Variants in IFT140 observed in about 807,000 individuals in gnomAD.
IFT140 encodes the protein intraflagellar transport protein 140 homolog.
Under a neutral mutation model 164.6 loss-of-function variants are expected in IFT140, and 133 were observed. The observed-to-expected ratio is 0.81, with a 90% CI of 0.70 to 0.93. The LOEUF (loss-of-function observed/expected upper bound fraction) is 0.93. IFT140 is among the 40% of genes least tolerant of loss of function. IFT140 has a pLI of 0.00. For synonymous variants in IFT140, 860 were observed against 817.3 expected, an observed-to-expected ratio of 1.05 and a Z score of -0.89; for missense variants, 2,045 against 1,972.3, an observed-to-expected ratio of 1.04 and a Z score of -0.70.
chr16:1,597,211 G>T (rs1427718110), intron 4 of IFT140, among the ~76,000 whole-genome samples: 1 of 152,204 alleles, frequency 6.6e-6, no homozygotes, highest in Non-Finnish European at 1.5e-5. Flanking sequence ...TTCCCCAGAA[G>T]GCGTGAGTGG....
At chr16:1,538,886 G>A (rs2031337038) in intron 19 of IFT140, among the ~76,000 whole-genome samples, 2 of 152,198 alleles carry the variant, frequency 1.3e-5, no homozygotes, top group Admixed American at 6.5e-5. Context: ...GTCAGCCAGG[G>A]CAGTGTCTGC....
chr16:1,566,143 C>T lies in IFT140; in HGVS notation c.1901+18G>A. ...ACATCATTTTTTCCAACAAAATCCTCCTGAACCACAATCTTACTTATTAGT... is the reference window on the plus strand; with the variant it reads ...ACATCATTTTTTCCAACAAAATCCTTCTGAACCACAATCTTACTTATTAGT... On this transcript the variant is annotated intron_variant, in intron 16 of 30. Coordinates refer to ENST00000426508, the MANE Select transcript of IFT140 (RefSeq NM_014714.4). 1 of 1,609,864 alleles carries T rather than the reference C, an allele frequency of 6.2e-7. No homozygotes were observed. Among genetic ancestry groups the T allele is most frequent in the East Asian group, 2.2e-5 (1 of 44,784 alleles).
intron 13 of IFT140, chr16:1,577,406 T>C (rs2034331853): frequency 6.6e-6 from 1 of 152,164 alleles, no homozygotes; most frequent in Admixed American, 6.6e-5. Context: ...ATATGAAATA[T>C]GTGTTAATCG....
intron 30 of IFT140, among the ~76,000 whole-genome samples, chr16:1,515,588 G>C (rs1479233318): frequency 1.3e-5 from 2 of 151,938 alleles, no homozygotes; most frequent in South Asian, 2.1e-4. Context: ...TTCAGAGATG[G>C]GGTCTCACTT....
chr16:1,590,857 C>T (rs1249806870), intron 6 of IFT140, among the ~76,000 whole-genome samples: 1 of 152,146 alleles, frequency 6.6e-6, no homozygotes, highest in African/African-American at 2.4e-5. Flanking sequence ...CCTCAGCCTC[C>T]TGGGTTCAAG....
chr16:1,548,763 G>C (rs527953697), intron 19 of IFT140, among the ~76,000 whole-genome samples: 2 of 152,330 alleles, frequency 1.3e-5, no homozygotes, highest in Admixed American at 6.5e-5. Context: ...GCTTCAGAAC[G>C]GCATCCACAG....
intron 14 of IFT140, among the ~76,000 whole-genome samples, chr16:1,569,566 C>T (rs71385706): frequency 6.7e-6 from 1 of 149,014 alleles, no homozygotes; most frequent in Non-Finnish European, 1.5e-5. Context: ...CCCCTCCTCT[C>T]CCTCCCCTCC....
intron 4 of IFT140, among the ~76,000 whole-genome samples, chr16:1,595,355 C>T (rs1444278131): frequency 1.3e-5 from 2 of 152,016 alleles, no homozygotes; most frequent in African/African-American, 2.4e-5. Flanking sequence ...TGGTGGCTCA[C>T]GCCTCTCATC....
intron 20 of IFT140, 144 bp from the exon 21 acceptor site, chr16:1,526,221 C>A (rs571460450): frequency 2.6e-6 from 2 of 766,284 alleles, no homozygotes; most frequent in South Asian, 3.5e-5. Context: ...GCACAGCAAA[C>A]GCCACACACC....
intron 19 of IFT140, chr16:1,541,806 C>A: frequency 1.6e-6 from 2 of 1,281,328 alleles, no homozygotes; most frequent in Non-Finnish European, 2.1e-6. Flanking sequence ...GGAGGCACAG[C>A]CTGTGCCGAC....
At chr16:1,547,387 CA>C (rs2032262784) in intron 19 of IFT140, among the ~76,000 whole-genome samples, 5 of 152,224 alleles carry the variant, frequency 3.3e-5, no homozygotes, top group Admixed American at 3.3e-4. Context: ...CTGACTTTAT[CA>C]GTCCTTAAAT....
At chr16:1,570,592 T>C (rs1289895554) in intron 14 of IFT140, among the ~76,000 whole-genome samples, 1 of 152,200 alleles carries the variant, frequency 6.6e-6, no homozygotes, top group Non-Finnish European at 1.5e-5. Flanking sequence ...CGAGCTCCTG[T>C]GCAGTTCCTT....
Position 1,520,644 on chromosome 16 carries a change from G to A in IFT140, c.3618C>T (p.His1206=), listed in dbSNP as rs372009015. Reference sequence around the variant, plus strand: ...CCTGCGTGTACTTCTTGGTGGCCAGGTGGTAGCTGCCCTGGCGCATGCAGC... The same window carrying A: ...CCTGCGTGTACTTCTTGGTGGCCAGATGGTAGCTGCCCTGGCGCATGCAGC... The part of the protein sequence containing the change: ...ADCCMRQGSY[H]LATKKYTQAG... The change falls in exon 27 of 31, where the codon CAC becomes CAT. Residue 1206 remains histidine (H), a synonymous_variant. Transcript: ENST00000426508. 2 of 1,600,704 alleles carry A rather than the reference G, an allele frequency of 1.2e-6. No individual in the cohort carries two copies. Among genetic ancestry groups the A allele is most frequent in the African/African-American group, 1.3e-5 (1 of 74,648 alleles).
chr16:1,564,062 C>T lies in IFT140; in HGVS notation c.2002G>A (p.Glu668Lys). The T allele has an allele frequency of 6.2e-7, 1 of 1,604,868 alleles. No homozygotes were observed. Among genetic ancestry groups the T allele is most frequent in the Non-Finnish European group, 8.5e-7 (1 of 1,172,826 alleles). ...GACTGAGGCTGGGAGCGCGGCGTCTCCTGCACGGCTTCGCATACAAACAGC... is the reference window on the plus strand; with the variant it reads ...GACTGAGGCTGGGAGCGCGGCGTCTTCTGCACGGCTTCGCATACAAACAGC... The part of the protein sequence containing the change: ...PRLFVCEAVQ[E>K]TPRSQPQSAN... Residue 668 changes from glutamate (E) to lysine (K), a missense_variant, in exon 17 of 31, where the codon GAG becomes AAG. Physicochemically the swap from Glu to Lys is moderately conservative, Grantham distance 56. Transcript: ENST00000426508. The surrounding 1 kb of genome is among the most constrained non-coding windows in gnomAD (Gnocchi z 5.5).
chr16:1,523,502 C>T lies in IFT140; in HGVS notation c.3453+16G>A. The T allele has an allele frequency of 3.7e-6, 6 of 1,602,416 alleles. No individual in the cohort carries two copies. Among genetic ancestry groups the T allele is most frequent in the Non-Finnish European group, 5.1e-6 (6 of 1,176,628 alleles). Reference sequence around the variant, plus strand: ...TGCCTGCGTGGAGCCGAGCCCAGGCCCCGCTGGCCCCGTACCTTCCTGGCA... The same window carrying T: ...TGCCTGCGTGGAGCCGAGCCCAGGCTCCGCTGGCCCCGTACCTTCCTGGCA... On this transcript the variant is annotated intron_variant, in intron 26 of 30. Transcript: ENST00000426508.
chr16:1,572,137 A>G (rs1176259013), intron 13 of IFT140, among the ~76,000 whole-genome samples: 1 of 152,180 alleles, frequency 6.6e-6, no homozygotes, highest in African/African-American at 2.4e-5. Flanking sequence ...GTGTGTGGGT[A>G]TTTCAGTAAA....
chr16:1,553,966 G>A lies in IFT140; in HGVS notation c.2399+3969C>T, dbSNP rs2032885092. The A allele has an allele frequency of 4.7e-6, 6 of 1,287,034 alleles. No homozygotes were observed. Among genetic ancestry groups the A allele is most frequent in the Admixed American group, 2.3e-5 (1 of 43,518 alleles). 79.7% of individuals were successfully genotyped at this position (1,287,034 alleles called of 1,614,324 possible). Reference sequence around the variant, plus strand: ...CTGTAAGTGAAACTGTAGCATCAGCGACTAACTAGACGGGAACAAGCTGCG... The same window carrying A: ...CTGTAAGTGAAACTGTAGCATCAGCAACTAACTAGACGGGAACAAGCTGCG... On this transcript the variant is annotated intron_variant, in intron 19 of 30. Transcript: ENST00000426508. This position sits in a 1 kb window ranked among gnomAD's most constrained non-coding sequence, Gnocchi z 4.4.
chr16:1,558,533 C>G (rs547665952), intron 18 of IFT140, among the ~76,000 whole-genome samples: 78 of 152,228 alleles, frequency 5.1e-4, no homozygotes, highest in Non-Finnish European at 5.9e-4. Context: ...CAGGGAGGGA[C>G]GCGGCTGTGG....
chr16:1,553,435 G>C lies in IFT140; in HGVS notation c.2399+4500C>G. On this transcript the variant is annotated intron_variant, in intron 19 of 30. Coordinates refer to ENST00000426508, the MANE Select transcript of IFT140 (RefSeq NM_014714.4). The surrounding 1 kb of genome is among the most constrained non-coding windows in gnomAD (Gnocchi z 4.4). Reference sequence around the variant, plus strand: ...GGAGGCGGTTGGGAGTGGAGAGACCGGCATGAACAGACGCACAGGTGTCAA... The same window carrying C: ...GGAGGCGGTTGGGAGTGGAGAGACCCGCATGAACAGACGCACAGGTGTCAA... 4.1e-6 allele frequency: 4 copies of C among 985,390 alleles called. No homozygotes were observed. Among genetic ancestry groups the C allele is most frequent in the Non-Finnish European group, 4.8e-6 (4 of 829,920 alleles). 61.0% of individuals were successfully genotyped at this position (985,390 alleles called of 1,614,324 possible). A position where few individuals can be genotyped will look rare whatever the true frequency, so the allele number is the denominator to read the frequency against.
Sources: allele counts gnomAD v4.1 joint callset (sites outside exome capture counted in the v4.1 genomes callset), GRCh38; gene constraint gnomAD v4.1.1; non-coding constraint Gnocchi (gnomAD v3.1); transcripts MANE v1.5; gene names NCBI Gene and HGNC (gene_info 2026-07-23, HGNC 2026-07-21).